Variants in UNC79 observed in about 807,000 individuals in gnomAD.
The protein encoded by UNC79 is protein unc-79 homolog.
UNC79 carries 37 observed loss-of-function variants against 283.1 expected under a neutral mutation model. The ratio of observed to expected loss-of-function variants is 0.13; its 90% CI spans 0.10 to 0.17. The LOEUF is 0.17. UNC79 is among the 10% of genes least tolerant of loss of function. The pLI, the probability that UNC79 is intolerant of heterozygous loss-of-function variation, is 1.00. For missense variants in UNC79, 2,272 were observed against 3,211.1 expected (o/e 0.71, Z 7.07); for synonymous variants, 1,107 against 1,200.2 (o/e 0.92, Z 1.61).
Position 93,467,628 on chromosome 14 carries a change from CTTTTTTTTTTTTTTTTTT to C in UNC79, c.23-30_23-13del, listed in dbSNP as rs398026224. 5.8e-5 allele frequency: 44 copies of C among 762,682 alleles called. No individual in the cohort carries two copies. In the East Asian group the frequency reaches 7.5e-4, roughly 13 times the overall value. 47.2% of individuals were successfully genotyped at this position (762,682 alleles called of 1,614,324 possible). ...ATTCTTCTCTTTCTTTTTCTTCTTC[CTTTTTTTTTTTTTTTTTT>C]TTTTTTTTTTTTGCTTTTATCTAGT... On this transcript the variant is annotated intron_variant, in intron 1 of 48. Transcript: ENST00000555664.
chr14:93,530,765 C>T (rs201265102), intron 10 of UNC79, among the ~76,000 whole-genome samples: 9 of 152,062 alleles, frequency 5.9e-5, no homozygotes, highest in Middle Eastern at 3.4e-3. Flanking sequence ...AAAAATTAGC[C>T]GGGCGTGGCG....
chr14:93,451,332 C>T (rs2056633411), intron 1 of UNC79, among the ~76,000 whole-genome samples: 2 of 152,110 alleles, frequency 1.3e-5, no homozygotes, highest in South Asian at 2.1e-4. Flanking sequence ...TGTCTTCAGA[C>T]CTTTCCTCTT....
At chr14:93,585,382 CCCTT>C (rs1377320831) in intron 20 of UNC79, among the ~76,000 whole-genome samples, 2 of 152,246 alleles carry the variant, frequency 1.3e-5, no homozygotes, top group African/African-American at 2.4e-5. Context: ...GACTTCCCCT[CCCTT>C]CTAGTGTGTT....
intron 1 of UNC79, chr14:93,347,978 C>T: frequency 8.9e-7 from 1 of 1,120,050 alleles, no homozygotes; most frequent in Non-Finnish European, 1.4e-6. Flanking sequence ...GGCAGCAAGT[C>T]ACTGGCCTAG....
chr14:93,659,320 A>C, intron 39 of UNC79, 59 bp downstream of exon 42: 1 of 1,385,322 alleles, frequency 7.2e-7, no homozygotes, highest in South Asian at 1.3e-5. Context: ...TAACCTAATG[A>C]GATAGGCTTG....
chr14:93,588,731 A>G (rs80024851), intron 22 of UNC79, among the ~76,000 whole-genome samples: 2,166 of 128,104 alleles, frequency 0.017, 28 homozygotes, highest in South Asian at 0.081. Context: ...ACAGAGGGAG[A>G]CTCCGTCTCA....
At chr14:93,369,325 C>T (rs2054397132) in intron 1 of UNC79, among the ~76,000 whole-genome samples, 1 of 152,212 alleles carries the variant, frequency 6.6e-6, no homozygotes, top group African/African-American at 2.4e-5. Context: ...AACATTTTTA[C>T]AAATTGTAGT....
chr14:93,518,058 T>C (rs1781065513), intron 7 of UNC79, among the ~76,000 whole-genome samples: 1 of 152,092 alleles, frequency 6.6e-6, no homozygotes, highest in Non-Finnish European at 1.5e-5. Flanking sequence ...TATTGTTTTG[T>C]TTTATTTAAT....
intron 1 of UNC79, among the ~76,000 whole-genome samples, chr14:93,411,031 CT>C (rs1249247449): frequency 4.6e-5 from 7 of 152,136 alleles, no homozygotes; most frequent in African/African-American, 1.4e-4. Flanking sequence ...AAGGTCTTGA[CT>C]CCTGGATGGC....
chr14:93,697,470 G>A (rs761416406), intron 47 of UNC79, among the ~76,000 whole-genome samples: 40 of 152,096 alleles, frequency 2.6e-4, no homozygotes, highest in Admixed American at 1.0e-3. Context: ...CACTGTCTGC[G>A]TTACTATAGC....
At chr14:93,488,118 A>G (rs2058537821) in intron 5 of UNC79, among the ~76,000 whole-genome samples, 1 of 152,242 alleles carries the variant, frequency 6.6e-6, no homozygotes, top group Admixed American at 6.5e-5. Context: ...GTATCCTTAA[A>G]CATAAACCTT....
chr14:93,466,993 T>C, intron 1 of UNC79: 1 of 802,242 alleles, frequency 1.2e-6, no homozygotes, highest in Non-Finnish European at 1.5e-6. Context: ...GGAAGTCTCC[T>C]AATTTATGAG....
intron 47 of UNC79, among the ~76,000 whole-genome samples, chr14:93,700,112 C>T (rs1188544651): frequency 6.8e-6 from 1 of 147,414 alleles, no homozygotes; most frequent in Non-Finnish European, 1.5e-5. Context: ...TATTGCTCCT[C>T]CATTGTCTTT....
chr14:93,349,992 G>A (rs758251714), intron 1 of UNC79, among the ~76,000 whole-genome samples: 5 of 152,302 alleles, frequency 3.3e-5, no homozygotes, highest in Non-Finnish European at 4.4e-5. Flanking sequence ...AACTTTTTAT[G>A]TAATTTTAAA....
intron 1 of UNC79, among the ~76,000 whole-genome samples, chr14:93,338,371 T>G (rs1045656014): frequency 6.6e-6 from 1 of 152,126 alleles, no homozygotes; most frequent in Non-Finnish European, 1.5e-5. Flanking sequence ...CTTTCTAAGG[T>G]CTCACCAGTA....
At chr14:93,694,241 G>T in intron 46 of UNC79, 94 bp from the exon 50 acceptor site, 2 of 1,134,038 alleles carry the variant, frequency 1.8e-6, no homozygotes. Context: ...AAGACCTCAT[G>T]GGCACAGGAC....
chr14:93,696,077 T>C (rs1415554941), intron 47 of UNC79, among the ~76,000 whole-genome samples: 3 of 152,070 alleles, frequency 2.0e-5, no homozygotes, highest in Non-Finnish European at 2.9e-5. Context: ...ATATACTTCT[T>C]TTGCCTTCTT....
intron 32 of UNC79, among the ~76,000 whole-genome samples, chr14:93,639,476 G>A (rs1030327874): frequency 6.6e-6 from 1 of 152,166 alleles, no homozygotes; most frequent in African/African-American, 2.4e-5. Context: ...ATTTATGCTT[G>A]TAATTCTGTT....
intron 1 of UNC79, among the ~76,000 whole-genome samples, chr14:93,347,577 G>T (rs76343270): frequency 0.014 from 2,186 of 152,232 alleles, 58 homozygotes; most frequent in African/African-American, 0.049. Context: ...CTGGGAGAGG[G>T]TCGCGGTGAG....
Sources: gnomAD v4.1 joint callset for allele counts (sites outside exome capture counted in the v4.1 genomes callset) on GRCh38, gnomAD v4.1.1 for gene constraint, MANE v1.5 for transcripts, NCBI Gene and HGNC (gene_info 2026-07-23, HGNC 2026-07-21) for gene names.